IQCJ: variants seen among roughly 807,000 people sequenced by gnomAD.
IQCJ encodes the protein IQ motif containing J, also known as IQ domain-containing protein J.
IQCJ carries 9 observed loss-of-function variants against 11.0 expected under a neutral mutation model. The observed-to-expected ratio is 0.82, with a 90% CI of 0.49 to 1.43. IQCJ has a LOEUF of 1.43. Ranked by LOEUF, IQCJ falls within the 40% of genes most tolerant of loss-of-function variation. IQCJ has a pLI of 0.00. For synonymous variants in IQCJ, 55 were observed against 51.3 expected (o/e 1.07, Z -0.31); for missense variants, 146 against 133.2 (o/e 1.10, Z -0.47).
chr3:159,087,401 T>A (rs9758711), intron 1 of IQCJ, among the ~76,000 whole-genome samples: 31 of 139,688 alleles, frequency 2.2e-4, no homozygotes, highest in Admixed American at 2.2e-4. Context: ...TGTCTCTGCC[T>A]GGCTTTGGTA....
intron 1 of IQCJ, among the ~76,000 whole-genome samples, chr3:159,188,031 A>G (rs1723473652): frequency 6.6e-6 from 1 of 152,138 alleles, no homozygotes; most frequent in Non-Finnish European, 1.5e-5. Context: ...TTTAAAGGAA[A>G]TTTGGGCACT....
chr3:159,128,828 A>C (rs1719827067), intron 1 of IQCJ, among the ~76,000 whole-genome samples: 1 of 152,112 alleles, frequency 6.6e-6, no homozygotes, highest in Non-Finnish European at 1.5e-5. Flanking sequence ...TTTTCTACCC[A>C]AGTCTTGCAC....
chr3:159,245,964 G>A, intron 2 of IQCJ, 57 bp downstream of exon 2: 9 of 1,329,884 alleles, frequency 6.8e-6, no homozygotes, highest in Non-Finnish European at 9.3e-6. Flanking sequence ...TGAGTAAAAA[G>A]AAAATCTTTC....
At chr3:159,176,856 C>G (rs1193357541) in intron 1 of IQCJ, among the ~76,000 whole-genome samples, 1 of 152,088 alleles carries the variant, frequency 6.6e-6, no homozygotes, top group Non-Finnish European at 1.5e-5. Flanking sequence ...AAAAGGCAAA[C>G]TTTATTTCAA....
intron 1 of IQCJ, among the ~76,000 whole-genome samples, chr3:159,213,573 C>T (rs1363337161): frequency 6.6e-6 from 1 of 152,090 alleles, no homozygotes; most frequent in African/African-American, 2.4e-5. Context: ...CTTGTTTATG[C>T]TTCATATTGG....
intron 1 of IQCJ, among the ~76,000 whole-genome samples, chr3:159,204,013 T>C (rs766809334): frequency 6.6e-6 from 1 of 152,130 alleles, no homozygotes; most frequent in Non-Finnish European, 1.5e-5. Flanking sequence ...GCTCTGTGTA[T>C]GAGAGAGAAC....
At chr3:159,195,916 T>C (rs1723957787) in intron 1 of IQCJ, among the ~76,000 whole-genome samples, 1 of 152,216 alleles carries the variant, frequency 6.6e-6, no homozygotes, top group African/African-American at 2.4e-5. Context: ...TTGCATAGGA[T>C]AAACACCCAA....
intron 1 of IQCJ, among the ~76,000 whole-genome samples, chr3:159,122,568 T>G (rs1446253625): frequency 6.6e-6 from 1 of 152,196 alleles, no homozygotes; most frequent in South Asian, 2.1e-4. Context: ...CCTGATAATA[T>G]TATTTCCTTT....
At chr3:159,115,565 G>A (rs910667657) in intron 1 of IQCJ, among the ~76,000 whole-genome samples, 6 of 151,838 alleles carry the variant, frequency 4.0e-5, no homozygotes, top group African/African-American at 9.7e-5. Context: ...AAGATTAGGA[G>A]CAACTGGAAG....
chr3:159,241,175 C>T (rs1476241924), intron 1 of IQCJ, among the ~76,000 whole-genome samples: 2 of 151,708 alleles, frequency 1.3e-5, no homozygotes, highest in African/African-American at 2.4e-5. Flanking sequence ...TTTGGGAGGC[C>T]GAGGCAGGCG....
At chr3:159,222,483 G>A (rs1725608798) in intron 1 of IQCJ, among the ~76,000 whole-genome samples, 1 of 152,020 alleles carries the variant, frequency 6.6e-6, no homozygotes, top group South Asian at 2.1e-4. Context: ...CCCTGTATGT[G>A]GAATTAAAAA....
chr3:159,105,517 G>C (rs556654731), intron 1 of IQCJ, among the ~76,000 whole-genome samples: 1 of 152,308 alleles, frequency 6.6e-6, no homozygotes, highest in Non-Finnish European at 1.5e-5. Flanking sequence ...CTCATGGGGG[G>C]AGACAAGGAG....
chr3:159,226,966 G>T (rs967133036), intron 1 of IQCJ, among the ~76,000 whole-genome samples: 2 of 152,160 alleles, frequency 1.3e-5, no homozygotes, highest in African/African-American at 4.8e-5. Context: ...TTTGTTTGTG[G>T]AGCAGAGGTG....
intron 1 of IQCJ, among the ~76,000 whole-genome samples, chr3:159,230,564 C>T (rs1726186910): frequency 6.6e-6 from 1 of 152,110 alleles, no homozygotes; most frequent in African/African-American, 2.4e-5. Flanking sequence ...TTTCCCTTCC[C>T]TAAACAGTGA....
chr3:159,239,400 GA>G (rs1726775650), intron 1 of IQCJ, among the ~76,000 whole-genome samples: 2 of 152,088 alleles, frequency 1.3e-5, no homozygotes, highest in South Asian at 4.1e-4. Context: ...AATATTCAAG[GA>G]AAGGAGAGTG....
At chr3:159,147,467 T>A (rs74843591) in intron 1 of IQCJ, among the ~76,000 whole-genome samples, 3,147 of 152,282 alleles carry the variant, frequency 0.021, 87 homozygotes, top group African/African-American at 0.072. Flanking sequence ...AGAATAAATA[T>A]GAACTTCCAT....
At chr3:159,215,499 A>T (rs1328178140) in intron 1 of IQCJ, among the ~76,000 whole-genome samples, 1 of 152,182 alleles carries the variant, frequency 6.6e-6, no homozygotes, top group Admixed American at 6.5e-5. Context: ...TCTTATACAG[A>T]TTTAAAAACC....
intron 1 of IQCJ, among the ~76,000 whole-genome samples, chr3:159,084,631 C>T (rs1376933992): frequency 1.3e-5 from 2 of 152,120 alleles, no homozygotes; most frequent in Non-Finnish European, 2.9e-5. Flanking sequence ...GGTTAAGCAA[C>T]TTGCCAGGGT....
chr3:159,216,795 A>T (rs890451212), intron 1 of IQCJ, among the ~76,000 whole-genome samples: 1 of 152,188 alleles, frequency 6.6e-6, no homozygotes, highest in Admixed American at 6.5e-5. Flanking sequence ...TGTTATCAAA[A>T]CAACCCTTGA....
Sources: allele counts gnomAD v4.1 joint callset (sites outside exome capture counted in the v4.1 genomes callset), GRCh38; gene constraint gnomAD v4.1.1; transcripts MANE v1.5; gene names NCBI Gene and HGNC (gene_info 2026-07-23, HGNC 2026-07-21).